The following PCDH7 variants were observed in gnomAD, a reference collection of about 807,000 sequenced individuals.
PCDH7 encodes the protein protocadherin 7, also known as protocadherin-7.
PCDH7 carries 17 observed loss-of-function variants against 58.9 expected under a neutral mutation model. That is an observed-to-expected ratio of 0.29 (90% CI 0.20 to 0.43). The LOEUF is 0.43. Ranked by LOEUF, PCDH7 falls within the 20% of genes least tolerant of loss-of-function variation. The pLI, the probability that PCDH7 is intolerant of heterozygous loss-of-function variation, is 1.00. For missense variants in PCDH7, 1,274 were observed against 1,441.0 expected (o/e 0.88, Z 1.88); for synonymous variants, 664 against 616.4 (o/e 1.08, Z -1.14).
chr4:31,137,301 G>A (rs142517140), intron 3 of PCDH7, among the ~76,000 whole-genome samples: 114 of 152,336 alleles, frequency 7.5e-4, no homozygotes, highest in African/African-American at 2.6e-3. Flanking sequence ...AGAAATACCA[G>A]GCCGGGAGCA....
intron 1 of PCDH7, among the ~76,000 whole-genome samples, chr4:30,767,121 A>G (rs1196224811): frequency 1.3e-5 from 2 of 152,198 alleles, no homozygotes; most frequent in East Asian, 3.9e-4. Flanking sequence ...TTCTCATAGT[A>G]ATAACCTGTG....
At chr4:31,082,724 A>C (rs1188737512) in intron 3 of PCDH7, among the ~76,000 whole-genome samples, 1 of 141,952 alleles carries the variant, frequency 7.0e-6, no homozygotes. Context: ...GAACTAAGCT[A>C]TGAGTTCACA....
At chr4:31,111,322 T>C (rs78693294) in intron 3 of PCDH7, among the ~76,000 whole-genome samples, 1,757 of 113,024 alleles carry the variant, frequency 0.016, 32 homozygotes, top group African/African-American at 0.041. Flanking sequence ...TTTTTTTTTT[T>C]CCTGAGGCGG....
At chr4:30,824,336 T>C (rs915288022) in intron 1 of PCDH7, among the ~76,000 whole-genome samples, 1 of 151,998 alleles carries the variant, frequency 6.6e-6, no homozygotes, top group South Asian at 2.1e-4. Context: ...TCTGATTTAA[T>C]GTTCTCCTGG....
Position 30,721,447 on chromosome 4 carries a change from T to C in PCDH7, c.25T>C (p.Trp9Arg). Reference sequence around the variant, plus strand: ...GATGCTGAGGATGCGGACCGCGGGATGGGCGCGCGGCTGGTGCTTGGGCTG... The same window carrying C: ...GATGCTGAGGATGCGGACCGCGGGACGGGCGCGCGGCTGGTGCTTGGGCTG... Residue 9 changes from tryptophan (W) to arginine (R), a missense_variant, in exon 1 of 2, where the codon TGG becomes CGG. By Grantham distance (101) the Trp-to-Arg change is moderately radical. Transcript: ENST00000361762. The surrounding 1 kb of genome is among the most constrained non-coding windows in gnomAD (Gnocchi z 6.7). The C allele has an allele frequency of 1.3e-6, 2 of 1,538,612 alleles. No individual in the cohort carries two copies. The highest frequency in any genetic ancestry group is 2.3e-5 in the East Asian group (1 of 43,220).
intron 3 of PCDH7, among the ~76,000 whole-genome samples, chr4:31,008,556 T>G (rs1752954811): frequency 6.6e-6 from 1 of 152,168 alleles, no homozygotes. Flanking sequence ...TAAATGAATA[T>G]TAGTGTTTCT....
At chr4:31,135,643 A>G (rs758541931) in intron 3 of PCDH7, among the ~76,000 whole-genome samples, 3 of 152,194 alleles carry the variant, frequency 2.0e-5, no homozygotes, top group African/African-American at 4.8e-5. Context: ...GGAATCCTTC[A>G]TATGTTATAA....
intron 1 of PCDH7, among the ~76,000 whole-genome samples, chr4:30,817,011 A>G (rs1727769479): frequency 1.3e-5 from 2 of 152,190 alleles, no homozygotes; most frequent in African/African-American, 4.8e-5. Context: ...GACTGGTCAT[A>G]TCAAGAGAAG....
intron 1 of PCDH7, among the ~76,000 whole-genome samples, chr4:30,824,442 TA>T (rs1359733051): frequency 6.6e-6 from 1 of 152,096 alleles, no homozygotes; most frequent in African/African-American, 2.4e-5. Flanking sequence ...ACTCAAGTAT[TA>T]AACATCCTTT....
intron 1 of PCDH7, among the ~76,000 whole-genome samples, chr4:30,745,990 C>T (rs1389899613): frequency 6.6e-6 from 1 of 152,088 alleles, no homozygotes; most frequent in Non-Finnish European, 1.5e-5. Context: ...CAGGCATGCA[C>T]CACCACATCT....
intron 1 of PCDH7, chr4:30,776,420 A>C (rs1435440727): frequency 1.3e-5 from 2 of 152,266 alleles, no homozygotes; most frequent in African/African-American, 4.8e-5. Flanking sequence ...AAAATTGGAC[A>C]TAGGATCTGC....
At chr4:31,079,663 T>C (rs554605163) in intron 3 of PCDH7, among the ~76,000 whole-genome samples, 1 of 151,896 alleles carries the variant, frequency 6.6e-6, no homozygotes, top group South Asian at 2.1e-4. Context: ...TTCTAGATAA[T>C]CACATCCCAT....
At chr4:31,120,431 C>CTTTTTTTTTTT (rs1483312437) in intron 3 of PCDH7, among the ~76,000 whole-genome samples, 1 of 87,666 alleles carries the variant, frequency 1.1e-5, no homozygotes, top group African/African-American at 4.8e-5. Flanking sequence ...GTTTTTCTTT[C>CTTTTTTTTTTT]TATTTTTTTC....
intron 3 of PCDH7, among the ~76,000 whole-genome samples, chr4:30,987,300 C>G (rs1379938239): frequency 6.6e-6 from 1 of 151,854 alleles, no homozygotes; most frequent in Non-Finnish European, 1.5e-5. Context: ...TATTTTATAC[C>G]AGGTTTTTAC....
chr4:30,880,664 T>A (rs542553623), intron 1 of PCDH7, among the ~76,000 whole-genome samples: 10 of 152,208 alleles, frequency 6.6e-5, no homozygotes, highest in Admixed American at 2.0e-4. Flanking sequence ...TCCTATTTAT[T>A]TCTTTAAGCT....
chr4:30,724,530 C>T, exon 1 of PCDH7: 1 of 1,614,142 alleles, frequency 6.2e-7, no homozygotes, highest in East Asian at 2.2e-5. Context: ...CAGGAGACAA[C>T]ATTTCAATTG....
At chr4:30,908,669 G>T (rs536764285) in intron 1 of PCDH7, among the ~76,000 whole-genome samples, 1 of 152,204 alleles carries the variant, frequency 6.6e-6, no homozygotes, top group South Asian at 2.1e-4. Context: ...AAAATCCCAG[G>T]ACCAGAAGGA....
chr4:30,723,771 T>C lies in PCDH7; in HGVS notation c.2349T>C (p.Ile783=). The C allele has an allele frequency of 1.2e-6, 2 of 1,614,146 alleles. No individual in the cohort carries two copies. The highest frequency in any genetic ancestry group is 1.7e-6 in the Non-Finnish European group (2 of 1,180,022). ...TCAATGCAGACCTGAACTACAGCATTGTGGGAGGAAATCCCTTCAAGCTGT... is the reference window on the plus strand; with the variant it reads ...TCAATGCAGACCTGAACTACAGCATCGTGGGAGGAAATCCCTTCAAGCTGT... The change falls in exon 1 of 2, where the codon ATT becomes ATC. Residue 783 remains isoleucine, a synonymous_variant. Transcript: ENST00000361762. This position sits in a 1 kb window ranked among gnomAD's most constrained non-coding sequence, Gnocchi z 4.6.
rs1720106596 is a variant in PCDH7, at chr4:31,140,423, G to A, written c.*8-2050G>A. The stretch of plus-strand genomic sequence containing the variant: ...TTCATAAAGATTTTTTTATATTTTA[G>A]AAGCTAAATTCCTGATTATTTTCCC... On this transcript the variant is annotated intron_variant, in intron 3 of 3. Coordinates refer to the PCDH7 transcript ENST00000509759. 3.3e-5 allele frequency among the ~76,000 whole-genome samples: 5 copies of A among 151,052 alleles called. No homozygotes were observed. The South Asian group carries it at 1.0e-3, about 32-fold the overall frequency.
Sources: gnomAD v4.1 joint callset for allele counts (sites outside exome capture counted in the v4.1 genomes callset) on GRCh38, gnomAD v4.1.1 for gene constraint, Gnocchi (gnomAD v3.1) non-coding constraint, MANE v1.5 for transcripts, NCBI Gene and HGNC (gene_info 2026-07-23, HGNC 2026-07-21) for gene names.